ROBO2: variants seen among roughly 807,000 people sequenced by gnomAD.
The protein encoded by ROBO2 is roundabout guidance receptor 2, also known as roundabout homolog 2.
In ROBO2, 53 loss-of-function variants were observed where a neutral mutation model predicts 160.8. The ratio of observed to expected loss-of-function variants is 0.33; its 90% CI spans 0.26 to 0.41. The LOEUF (loss-of-function observed/expected upper bound fraction) is 0.41. ROBO2 is among the 10% of genes least tolerant of loss of function. ROBO2 has a pLI of 1.00. For synonymous variants in ROBO2, 664 were observed against 611.7 expected (o/e 1.09, Z -1.26); for missense variants, 1,577 against 1,722.4 (o/e 0.92, Z 1.49).
At chr3:76,918,033 A>C (rs1306697930) in intron 2 of ROBO2, among the ~76,000 whole-genome samples, 2 of 152,224 alleles carry the variant, frequency 1.3e-5, no homozygotes, top group African/African-American at 4.8e-5. Context: ...GGCCCTGTGC[A>C]AAATGAAAGC....
At chr3:76,115,319 C>T (rs2070420018) in intron 2 of ROBO2, among the ~76,000 whole-genome samples, 1 of 152,132 alleles carries the variant, frequency 6.6e-6, no homozygotes, top group African/African-American at 2.4e-5. Flanking sequence ...ATGATCCAAT[C>T]AGATCCACTT....
intron 2 of ROBO2, among the ~76,000 whole-genome samples, chr3:76,920,511 A>G (rs566184095): frequency 6.6e-6 from 1 of 152,328 alleles, no homozygotes; most frequent in South Asian, 2.1e-4. Context: ...GGTTTCTTCT[A>G]TGAAGCAGAA....
At chr3:76,579,846 G>T (rs1052365765) in intron 2 of ROBO2, among the ~76,000 whole-genome samples, 1 of 149,286 alleles carries the variant, frequency 6.7e-6, no homozygotes, top group African/African-American at 2.5e-5. Context: ...CTCTAAGATA[G>T]AAAATACCAC....
At chr3:76,960,258 A>G (rs62251102) in intron 2 of ROBO2, among the ~76,000 whole-genome samples, 5 of 152,240 alleles carry the variant, frequency 3.3e-5, no homozygotes, top group Non-Finnish European at 7.4e-5. Context: ...GATAGACAAG[A>G]CAAGAATTGA....
chr3:77,100,112 G>A lies in ROBO2; in HGVS notation c.388+1772G>A, dbSNP rs192957311. Reference sequence around the variant, plus strand: ...AAGAATTGCTTTCTTTTCTAATTGCGTCATTAATAATGAATCAAACTGTTC... The same window carrying A: ...AAGAATTGCTTTCTTTTCTAATTGCATCATTAATAATGAATCAAACTGTTC... On this transcript the variant is annotated intron_variant, in intron 2 of 25. Transcript: ENST00000461745. Among the ~76,000 whole-genome samples, 599 of 151,912 alleles carry A rather than the reference G, an allele frequency of 3.9e-3. 4 individuals carry two copies. Among genetic ancestry groups the A allele is most frequent in the African/African-American group, 0.013 (555 of 41,438 alleles).
intron 2 of ROBO2, among the ~76,000 whole-genome samples, chr3:76,054,647 G>A (rs941861976): frequency 2.0e-5 from 3 of 152,160 alleles, no homozygotes; most frequent in African/African-American, 7.2e-5. Context: ...ATTCCAACAG[G>A]ATTTGGATTA....
At chr3:76,649,090 A>G (rs1217953264) in intron 2 of ROBO2, among the ~76,000 whole-genome samples, 2 of 152,112 alleles carry the variant, frequency 1.3e-5, no homozygotes, top group Admixed American at 1.3e-4. Flanking sequence ...GATGATGTGA[A>G]TGATTAGTAT....
intron 2 of ROBO2, among the ~76,000 whole-genome samples, chr3:76,032,149 T>C (rs540755605): frequency 6.6e-6 from 1 of 152,138 alleles, no homozygotes; most frequent in African/African-American, 2.4e-5. Context: ...TGCAGAGAGG[T>C]GTTTATAGTA....
At chr3:77,643,220 T>C (rs550405652) in intron 24 of ROBO2, among the ~76,000 whole-genome samples, 106 of 152,350 alleles carry the variant, frequency 7.0e-4, no homozygotes, top group African/African-American at 2.5e-3. Flanking sequence ...TTTGGCCTAT[T>C]AATGTTTATA....
chr3:76,075,839 C>T (rs6779552), intron 2 of ROBO2, among the ~76,000 whole-genome samples: 94,289 of 152,000 alleles, frequency 0.62, 29,816 homozygotes, highest in African/African-American at 0.73. Flanking sequence ...GCAATTGTCT[C>T]GTACTTACTT....
At chr3:77,624,039 A>C in intron 23 of ROBO2, among the ~76,000 whole-genome samples, 1 of 152,216 alleles carries the variant, frequency 6.6e-6, no homozygotes, top group Non-Finnish European at 1.5e-5. Context: ...TGTTCATTCC[A>C]AATGAAGCTT....
chr3:76,548,252 C>G (rs779795766), intron 2 of ROBO2, among the ~76,000 whole-genome samples: 19 of 152,250 alleles, frequency 1.2e-4, no homozygotes, highest in South Asian at 6.2e-4. Flanking sequence ...TGAAAGCTTA[C>G]TATGGGTCTG....
chr3:76,001,450 C>A (rs2065884695), intron 2 of ROBO2, among the ~76,000 whole-genome samples: 1 of 152,096 alleles, frequency 6.6e-6, no homozygotes, highest in South Asian at 2.1e-4. Flanking sequence ...AAAGAATTTT[C>A]TTCTCATTGA....
At chr3:76,395,963 C>T (rs2077421668) in intron 2 of ROBO2, among the ~76,000 whole-genome samples, 2 of 152,094 alleles carry the variant, frequency 1.3e-5, no homozygotes, top group African/African-American at 4.8e-5. Flanking sequence ...TCCTCCCTAC[C>T]TCATTTTATG....
intron 2 of ROBO2, among the ~76,000 whole-genome samples, chr3:77,309,565 A>C (rs934406860): frequency 6.6e-6 from 1 of 152,248 alleles, no homozygotes; most frequent in East Asian, 1.9e-4. Context: ...AGTTTAGTAC[A>C]TAAAAATACT....
chr3:77,248,777 CTTTT>C (rs56271044), intron 2 of ROBO2, among the ~76,000 whole-genome samples: 16 of 141,600 alleles, frequency 1.1e-4, no homozygotes, highest in Non-Finnish European at 1.4e-4. Context: ...ATCACTTGCT[CTTTT>C]TTTTTTTTTT....
At chr3:76,768,431 T>G (rs1242633329) in intron 2 of ROBO2, among the ~76,000 whole-genome samples, 1 of 151,502 alleles carries the variant, frequency 6.6e-6, no homozygotes, top group African/African-American at 2.4e-5. Context: ...TTTCGTCTCA[T>G]GATGTATAAT....
At chr3:77,189,754 G>C (rs531965507) in intron 2 of ROBO2, among the ~76,000 whole-genome samples, 3 of 152,044 alleles carry the variant, frequency 2.0e-5, no homozygotes, top group African/African-American at 7.2e-5. Context: ...TGTATCTGTA[G>C]TTGTATCTTT....
At position 75,974,886 on chromosome 3, in the gene ROBO2, A is replaced by C. The variant is rs868254154; in HGVS notation, c.109+37284A>C. 2.0e-5 allele frequency among the ~76,000 whole-genome samples: 3 copies of C among 151,516 alleles called. No individual in the cohort carries two copies. In the Admixed American group the frequency reaches 2.0e-4, roughly 10 times the overall value. ...AAATAGTTTGTTGATCCCATGTAGA[A>C]CATACAGAGATGTGTGTTTATACAG... On this transcript the variant is annotated intron_variant, in intron 2 of 26. Coordinates refer to the ROBO2 transcript ENST00000487694.
Sources: gnomAD v4.1 joint callset for allele counts (sites outside exome capture counted in the v4.1 genomes callset) on GRCh38, gnomAD v4.1.1 for gene constraint, MANE v1.5 for transcripts, NCBI Gene and HGNC (gene_info 2026-07-23, HGNC 2026-07-21) for gene names.